BBS9: variants seen among roughly 807,000 people sequenced by gnomAD.
The protein encoded by BBS9 is protein PTHB1.
Under a neutral mutation model 117.7 loss-of-function variants are expected in BBS9, and 89 were observed. That is an observed-to-expected ratio of 0.76 (90% CI 0.64 to 0.90). The LOEUF (loss-of-function observed/expected upper bound fraction) is 0.90, where lower values mean the gene tolerates loss of function less well. Ranked by LOEUF, BBS9 falls within the 40% of genes least tolerant of loss-of-function variation. BBS9 has a pLI of 0.00. For missense variants in BBS9, 982 were observed against 1,042.2 expected, an observed-to-expected ratio of 0.94 and a Z score of 0.80; for synonymous variants, 379 against 370.9, an observed-to-expected ratio of 1.02 and a Z score of -0.25.
chr7:33,441,325 A>G (rs982577141), intron 19 of BBS9, among the ~76,000 whole-genome samples: 22 of 152,112 alleles, frequency 1.4e-4, no homozygotes, highest in East Asian at 5.8e-4. Flanking sequence ...AGGTCTTTCA[A>G]TCTTTCAAAT....
chr7:33,311,776 C>G (rs1809289290), intron 9 of BBS9, among the ~76,000 whole-genome samples: 1 of 151,530 alleles, frequency 6.6e-6, no homozygotes, highest in African/African-American at 2.4e-5. Context: ...AAGATCGCAC[C>G]ACTGCACTCC....
intron 21 of BBS9, among the ~76,000 whole-genome samples, chr7:33,545,865 A>G (rs945286948): frequency 2.7e-5 from 4 of 148,000 alleles, no homozygotes; most frequent in African/African-American, 1.0e-4. Context: ...TTTTCTTTGC[A>G]TATGTGTACA....
At chr7:33,556,752 A>G (rs1274559098) in intron 21 of BBS9, among the ~76,000 whole-genome samples, 2 of 152,162 alleles carry the variant, frequency 1.3e-5, no homozygotes, top group Non-Finnish European at 2.9e-5. Flanking sequence ...TGAGAACATC[A>G]CAGAACTGCT....
At chr7:33,382,871 A>G (rs965825495) in intron 17 of BBS9, among the ~76,000 whole-genome samples, 1 of 152,214 alleles carries the variant, frequency 6.6e-6, no homozygotes, top group Non-Finnish European at 1.5e-5. Context: ...TAGCACTGGC[A>G]TTTAATTGCT....
intron 4 of BBS9, among the ~76,000 whole-genome samples, chr7:33,173,647 G>T (rs1031067308): frequency 2.0e-5 from 3 of 151,998 alleles, no homozygotes; most frequent in Non-Finnish European, 4.4e-5. Context: ...AGACTATTTG[G>T]GGAGCCATCA....
In BBS9 at chr7:33,349,069, TCA is replaced by T; in HGVS notation, c.1335_1336del (p.Leu446AlafsTer24). 1 of 1,596,930 alleles carries T rather than the reference TCA, an allele frequency of 6.3e-7. No individual in the cohort carries two copies. Among genetic ancestry groups the T allele is most frequent in the Non-Finnish European group, 8.6e-7 (1 of 1,164,696 alleles). On this transcript the variant is annotated frameshift_variant and splice_region_variant, in exon 13 of 23. Transcript: ENST00000242067. LOFTEE classifies it high-confidence loss of function. Reference sequence around the variant, plus strand: ...TGATAACAATTTCTGTTTCCTTAGGTCACACTGCAGAACAGAGTGATATTGCA... The same window carrying T: ...TGATAACAATTTCTGTTTCCTTAGGTCACTGCAGAACAGAGTGATATTGCA...
chr7:33,238,523 A>G (rs889078976), intron 5 of BBS9, among the ~76,000 whole-genome samples: 1 of 152,066 alleles, frequency 6.6e-6, no homozygotes, highest in East Asian at 1.9e-4. Context: ...CGAACTCCCA[A>G]CCTCAGGTTA....
intron 9 of BBS9, among the ~76,000 whole-genome samples, chr7:33,303,030 T>C (rs1806837820): frequency 6.6e-6 from 1 of 152,204 alleles, no homozygotes; most frequent in Non-Finnish European, 1.5e-5. Context: ...TCATAGCTAT[T>C]GTAAATGGGA....
intron 19 of BBS9, among the ~76,000 whole-genome samples, chr7:33,482,926 T>C (rs1842677938): frequency 6.6e-6 from 1 of 152,200 alleles, no homozygotes; most frequent in Admixed American, 6.5e-5. Context: ...CCATTTACTA[T>C]GAATGGGAAA....
chr7:33,620,572 C>T (rs1336410868), intron 21 of BBS9, among the ~76,000 whole-genome samples: 1 of 151,428 alleles, frequency 6.6e-6, no homozygotes, highest in African/African-American at 2.4e-5. Flanking sequence ...AACTATAAAG[C>T]ATTGATGAAA....
At chr7:33,221,982 A>T (rs909141010) in intron 5 of BBS9, among the ~76,000 whole-genome samples, 2 of 152,192 alleles carry the variant, frequency 1.3e-5, no homozygotes, top group African/African-American at 4.8e-5. Context: ...CTTTAATCCT[A>T]AAAGGAAAAT....
chr7:33,314,239 C>CTTTTT, intron 9 of BBS9: 1 of 350,450 alleles, frequency 2.9e-6, no homozygotes, highest in Non-Finnish European at 5.5e-6. Flanking sequence ...AATTTCCTTT[C>CTTTTT]TTTTTTTTTT....
chr7:33,203,577 T>C (rs995645318), intron 5 of BBS9, among the ~76,000 whole-genome samples: 4 of 152,182 alleles, frequency 2.6e-5, no homozygotes, highest in East Asian at 1.9e-4. Flanking sequence ...GCATTTTTAA[T>C]GTACCCTAGA....
intron 1 of BBS9, among the ~76,000 whole-genome samples, chr7:33,142,449 G>A (rs1385612392): frequency 6.6e-6 from 1 of 151,984 alleles, no homozygotes; most frequent in African/African-American, 2.4e-5. Flanking sequence ...TTTTAATTGT[G>A]GTAAAATAAT....
intron 9 of BBS9, among the ~76,000 whole-genome samples, chr7:33,324,991 C>T (rs1034825010): frequency 9.2e-5 from 14 of 152,224 alleles, no homozygotes; most frequent in Middle Eastern, 3.4e-3. Flanking sequence ...GTTCTGTAAC[C>T]TCCTTGTACT....
chr7:33,504,411 C>T lies in BBS9; in HGVS notation c.2116-1052C>T, dbSNP rs117460584. Among the ~76,000 whole-genome samples, 872 of 152,262 alleles carry T rather than the reference C, an allele frequency of 5.7e-3. 5 individuals carry two copies. Among genetic ancestry groups the T allele is most frequent in the Non-Finnish European group, 9.0e-3 (612 of 68,016 alleles). ...CCAACATGGAATTTGGGAGACCACACAGCTGTACATTGTACTTGTTTGAAT... is the reference window on the plus strand; with the variant it reads ...CCAACATGGAATTTGGGAGACCACATAGCTGTACATTGTACTTGTTTGAAT... On this transcript the variant is annotated intron_variant, in intron 19 of 22. Transcript: ENST00000242067.
At chr7:33,618,158 A>T (rs1182659083) in intron 21 of BBS9, among the ~76,000 whole-genome samples, 56 of 152,258 alleles carry the variant, frequency 3.7e-4, no homozygotes, top group Middle Eastern at 3.4e-3. Context: ...TGGGCAACAT[A>T]GTGAGACTCT....
chr7:33,513,772 C>A (rs1046632998), intron 20 of BBS9, among the ~76,000 whole-genome samples: 1 of 152,168 alleles, frequency 6.6e-6, no homozygotes, highest in African/African-American at 2.4e-5. Flanking sequence ...AATTTCCAAT[C>A]TTACCAGTGA....
intron 21 of BBS9, among the ~76,000 whole-genome samples, chr7:33,598,553 C>A (rs1863281198): frequency 6.6e-6 from 1 of 152,050 alleles, no homozygotes; most frequent in African/African-American, 2.4e-5. Flanking sequence ...AACACATGTA[C>A]CACACTAATG....
Sources: gnomAD v4.1 joint callset for allele counts (sites outside exome capture counted in the v4.1 genomes callset) on GRCh38, gnomAD v4.1.1 for gene constraint, MANE v1.5 for transcripts, NCBI Gene and HGNC (gene_info 2026-07-23, HGNC 2026-07-21) for gene names.